Variants in TCF12 observed in about 807,000 individuals in gnomAD.
The protein encoded by TCF12 is DNA-binding protein HTF4.
A neutral mutation model predicts 86.0 loss-of-function variants in TCF12; 45 were observed. That is an observed-to-expected ratio of 0.52 (90% CI 0.41 to 0.67). The LOEUF is 0.67. Ranked by LOEUF, TCF12 falls within the 30% of genes least tolerant of loss-of-function variation. The pLI, the probability that TCF12 is intolerant of heterozygous loss-of-function variation, is 0.00. For synonymous variants in TCF12, 330 were observed against 299.6 expected (o/e 1.10, Z -1.05); for missense variants, 881 against 859.9 (o/e 1.02, Z -0.31).
intron 3 of TCF12, among the ~76,000 whole-genome samples, chr15:56,971,857 T>G (rs1252756093): frequency 6.6e-6 from 1 of 152,158 alleles, no homozygotes; most frequent in Admixed American, 6.5e-5. Flanking sequence ...TAGGCAAATG[T>G]GTAAAGACAG....
intron 3 of TCF12, among the ~76,000 whole-genome samples, chr15:56,957,416 C>T: frequency 6.6e-6 from 1 of 152,102 alleles, no homozygotes; most frequent in East Asian, 1.9e-4. Context: ...ATTCTGTTTT[C>T]TCTTTTGTGT....
intron 4 of TCF12, among the ~76,000 whole-genome samples, chr15:57,077,575 C>T (rs1289138076): frequency 1.3e-5 from 2 of 150,824 alleles, no homozygotes; most frequent in Non-Finnish European, 3.0e-5. Flanking sequence ...TACAGGCTGC[C>T]GCCACTGCAC....
At chr15:57,072,695 A>G (rs1303374514) in intron 4 of TCF12, 1 of 1,307,530 alleles carries the variant, frequency 7.6e-7, no homozygotes, top group Non-Finnish European at 1.0e-6. Context: ...AAAGCAAGAC[A>G]GAAGGGTCAG....
chr15:56,940,511 C>A (rs558004423), intron 3 of TCF12, among the ~76,000 whole-genome samples: 2 of 147,952 alleles, frequency 1.4e-5, no homozygotes, highest in South Asian at 4.4e-4. Flanking sequence ...TTCTTCTTCT[C>A]CTCCTCCTCC....
At chr15:56,945,295 G>T (rs536634017) in intron 3 of TCF12, among the ~76,000 whole-genome samples, 1 of 151,850 alleles carries the variant, frequency 6.6e-6, no homozygotes, top group Non-Finnish European at 1.5e-5. Flanking sequence ...TTCTTAATCC[G>T]TCTTAAGAGA....
chr15:56,980,713 G>A (rs1001536783), intron 3 of TCF12, among the ~76,000 whole-genome samples: 4 of 152,148 alleles, frequency 2.6e-5, no homozygotes, highest in African/African-American at 9.7e-5. Context: ...CATGTCATCT[G>A]TGCACACAGC....
At chr15:56,918,564 C>A (rs1165604057), upstream of TCF12, 9 of 270,116 alleles carry the variant, frequency 3.3e-5, no homozygotes, top group African/African-American at 2.1e-4. Flanking sequence ...CTCTGCCGGC[C>A]CCACTTCCTA....
At chr15:56,959,242 G>C (rs1249228481) in intron 3 of TCF12, among the ~76,000 whole-genome samples, 1 of 152,078 alleles carries the variant, frequency 6.6e-6, no homozygotes, top group Non-Finnish European at 1.5e-5. Flanking sequence ...ATTCTCTTTG[G>C]TATATATGGA....
intron 5 of TCF12, among the ~76,000 whole-genome samples, chr15:57,097,353 C>T (rs2049396743): frequency 1.3e-5 from 2 of 151,694 alleles, no homozygotes; most frequent in African/African-American, 4.8e-5. Context: ...TATGGTGAAA[C>T]CCTGTCTCTA....
At chr15:57,062,604 A>T (rs757876663) in intron 3 of TCF12, among the ~76,000 whole-genome samples, 2 of 152,092 alleles carry the variant, frequency 1.3e-5, no homozygotes, top group African/African-American at 4.8e-5. Context: ...CATCCTTTCA[A>T]TTTGGCAATT....
At chr15:57,251,320 A>G (rs2060107170) in intron 13 of TCF12, 30 bp from the exon 14 acceptor site, 2 of 1,598,058 alleles carry the variant, frequency 1.3e-6, no homozygotes, top group African/African-American at 1.3e-5. Flanking sequence ...GAGTTAACCC[A>G]GGTGTGTGGC....
intron 3 of TCF12, among the ~76,000 whole-genome samples, chr15:57,062,970 A>C (rs1224592240): frequency 2.6e-5 from 4 of 152,194 alleles, no homozygotes; most frequent in African/African-American, 9.7e-5. Context: ...GAGATCTCCA[A>C]GTCTTCCAGC....
At chr15:57,274,730 G>A (rs2061301156) in intron 19 of TCF12, among the ~76,000 whole-genome samples, 1 of 152,110 alleles carries the variant, frequency 6.6e-6, no homozygotes, top group African/African-American at 2.4e-5. Context: ...GCCATTTATT[G>A]TTAAAGCCAC....
At chr15:56,994,364 A>G (rs1286142698) in intron 3 of TCF12, among the ~76,000 whole-genome samples, 4 of 152,142 alleles carry the variant, frequency 2.6e-5, no homozygotes, top group African/African-American at 9.7e-5. Flanking sequence ...TCAACTCACA[A>G]TGGAAGAGGT....
chr15:56,974,334 T>C (rs1245546801), intron 3 of TCF12, among the ~76,000 whole-genome samples: 1 of 152,090 alleles, frequency 6.6e-6, no homozygotes, highest in Non-Finnish European at 1.5e-5. Context: ...AATGTGATTC[T>C]TTGAAAAAGA....
intron 3 of TCF12, among the ~76,000 whole-genome samples, chr15:57,046,172 T>C (rs1202183719): frequency 2.0e-5 from 3 of 152,358 alleles, no homozygotes; most frequent in South Asian, 2.1e-4. Context: ...TCTTGAGTTA[T>C]GTACTATTAT....
At chr15:57,098,280 C>A (rs2049481399) in intron 5 of TCF12, among the ~76,000 whole-genome samples, 2 of 152,166 alleles carry the variant, frequency 1.3e-5, no homozygotes, top group Non-Finnish European at 2.9e-5. Context: ...CACTACGTTG[C>A]TTTTTTCCTC....
chr15:57,247,161 A>T (rs1250526557), intron 13 of TCF12: 2 of 559,668 alleles, frequency 3.6e-6, no homozygotes, highest in Admixed American at 2.2e-5. Context: ...CTCCACCACC[A>T]CCACCATATC....
intron 12 of TCF12, among the ~76,000 whole-genome samples, chr15:57,236,000 T>A (rs1429716665): frequency 6.6e-6 from 1 of 152,180 alleles, no homozygotes; most frequent in Non-Finnish European, 1.5e-5. Context: ...GTGAATGGAA[T>A]CCAGTGAAGA....
Sources: gnomAD v4.1 joint callset for allele counts (sites outside exome capture counted in the v4.1 genomes callset) on GRCh38, gnomAD v4.1.1 for gene constraint, MANE v1.5 for transcripts, NCBI Gene and HGNC (gene_info 2026-07-23, HGNC 2026-07-21) for gene names.